Variants in ASAP2 observed in about 807,000 individuals in gnomAD.
ASAP2 encodes the protein ArfGAP with SH3 domain, ankyrin repeat and PH domain 2.
Under a neutral mutation model 131.4 loss-of-function variants are expected in ASAP2, and 45 were observed. The ratio of observed to expected loss-of-function variants is 0.34; its 90% CI spans 0.27 to 0.44. The LOEUF (loss-of-function observed/expected upper bound fraction) is 0.44. Ranked by LOEUF, ASAP2 falls within the 20% of genes least tolerant of loss-of-function variation. The pLI, the probability that ASAP2 is intolerant of heterozygous loss-of-function variation, is 1.00. For missense variants in ASAP2, 1,011 were observed against 1,297.0 expected, an observed-to-expected ratio of 0.78 and a Z score of 3.39; for synonymous variants, 510 against 503.0, an observed-to-expected ratio of 1.01 and a Z score of -0.19.
chr2:9,375,106 C>CAAA (rs112747713), intron 17 of ASAP2, among the ~76,000 whole-genome samples, 162 bp downstream of exon 17: 2 of 66,252 alleles, frequency 3.0e-5, no homozygotes, highest in Non-Finnish European at 7.2e-5. Flanking sequence ...CCCATCTCTA[C>CAAA]AAAAAAAAAA....
At chr2:9,274,319 C>CTTTTTTTTTTTTTTT (rs57798948) in intron 1 of ASAP2, among the ~76,000 whole-genome samples, 1 of 106,774 alleles carries the variant, frequency 9.4e-6, no homozygotes, top group African/African-American at 3.7e-5. Flanking sequence ...AGCATTCAAT[C>CTTTTTTTTTTTTTTT]TTTTTTTTTT....
chr2:9,321,025 G>T (rs1454675666), intron 5 of ASAP2, among the ~76,000 whole-genome samples: 1 of 152,148 alleles, frequency 6.6e-6, no homozygotes, highest in Non-Finnish European at 1.5e-5. Context: ...AAGTAATTAT[G>T]GGGGGAATAA....
rs774783791 is a variant in ASAP2, at chr2:9,358,823, G to A, written c.1395G>A (p.Glu465=). The A allele has an allele frequency of 3.1e-6, 5 of 1,613,684 alleles. No homozygotes were observed. In the African/African-American group the frequency reaches 6.7e-5, roughly 22 times the overall value. The change falls in exon 15 of 28, where the codon GAG becomes GAA. Residue 465 remains glutamate (E), a synonymous_variant. Coordinates refer to ENST00000281419, the MANE Select transcript of ASAP2 (RefSeq NM_003887.3). ...TCGAGTGTTCCGGAATCCACCGAGA[G>A]CTGGGGGTTCATTATTCCAGGATGC... ...TCIECSGIHR[E]LGVHYSRMQS... is the part of the protein sequence containing the mutation.
intron 1 of ASAP2, among the ~76,000 whole-genome samples, chr2:9,215,448 G>A (rs142414110): frequency 2.0e-5 from 3 of 151,996 alleles, no homozygotes; most frequent in Non-Finnish European, 2.9e-5. Flanking sequence ...TAAACAATAC[G>A]AGATATTTCT....
In ASAP2 at chr2:9,356,356, G is replaced by A. The variant is rs778557276; in HGVS notation, c.1327+11G>A. 6.4e-7 allele frequency: 1 copy of A among 1,565,004 alleles called. No homozygotes were observed. The highest frequency in any genetic ancestry group is 8.6e-7 in the Non-Finnish European group (1 of 1,157,604). ...ACTGTGGGGCGCCAGGTGACCCAGG[G>A]ACCCCACCCGACCCTGGGCTCTAGG... On this transcript the variant is annotated intron_variant, in intron 14 of 27. Transcript: ENST00000281419.
At chr2:9,356,421 G>A in intron 14 of ASAP2, 76 bp downstream of exon 14, 2 of 1,440,320 alleles carry the variant, frequency 1.4e-6, no homozygotes, top group Non-Finnish European at 1.9e-6. Context: ...TCCGTTCATT[G>A]ATTTTCACTT....
Position 9,378,954 on chromosome 2 carries a change from G to A in ASAP2, c.1843G>A (p.Asp615Asn). 6.7e-7 allele frequency: 1 copy of A among 1,481,650 alleles called. No individual in the cohort carries two copies. Among genetic ancestry groups the A allele is most frequent in the Non-Finnish European group, 9.0e-7 (1 of 1,107,826 alleles). 91.8% of individuals were successfully genotyped at this position (1,481,650 alleles called of 1,614,324 possible). A position where few individuals can be genotyped will look rare whatever the true frequency, so the allele number is the denominator to read the frequency against. The change falls in exon 19 of 28, where the codon GAT becomes AAT. Residue 615 changes from aspartate to asparagine, a missense_variant. By Grantham distance (23) the Asp-to-Asn change is conservative (BLOSUM62 1). This residue lies in a region of ASAP2 where 652 missense variants were observed against 698.9 expected (regional missense o/e 0.93). Transcript: ENST00000281419. ...DFLVQNSGNL[D>N]KQTGKGSTAL... Reference sequence around the variant, plus strand: ...CCTGTTCTCGGGCAGTGGGAACCTGGATAAACAGACAGGGAAAGGCAGCAC... The same window carrying A: ...CCTGTTCTCGGGCAGTGGGAACCTGAATAAACAGACAGGGAAAGGCAGCAC...
chr2:9,242,745 T>C (rs1345575362), intron 1 of ASAP2, among the ~76,000 whole-genome samples: 1 of 152,228 alleles, frequency 6.6e-6, no homozygotes, highest in East Asian at 1.9e-4. Context: ...TTCCAACTTT[T>C]CTTTCTTTTC....
chr2:9,259,755 A>C (rs542495408), intron 1 of ASAP2, among the ~76,000 whole-genome samples: 4 of 152,288 alleles, frequency 2.6e-5, no homozygotes, highest in African/African-American at 7.2e-5. Context: ...TAGCGCAGAG[A>C]TCTTCAGATG....
At chr2:9,223,854 C>G (rs975130559) in intron 1 of ASAP2, among the ~76,000 whole-genome samples, 20 of 152,136 alleles carry the variant, frequency 1.3e-4, no homozygotes, top group Admixed American at 5.2e-4. Flanking sequence ...ACTCTGGAAT[C>G]CTTGCAGGTC....
chr2:9,354,250 G>A (rs978526469), intron 12 of ASAP2, among the ~76,000 whole-genome samples: 12 of 152,198 alleles, frequency 7.9e-5, no homozygotes, highest in African/African-American at 7.2e-5. Flanking sequence ...GCAGGTTAGC[G>A]GCCAGTAGAG....
chr2:9,296,244 G>T (rs1317007834), intron 2 of ASAP2, among the ~76,000 whole-genome samples: 1 of 152,220 alleles, frequency 6.6e-6, no homozygotes, highest in Non-Finnish European at 1.5e-5. Context: ...TTATAGACTG[G>T]CTGGTTTCCT....
intron 1 of ASAP2, among the ~76,000 whole-genome samples, chr2:9,252,480 A>G (rs1386061379): frequency 6.6e-6 from 1 of 152,162 alleles, no homozygotes; most frequent in Non-Finnish European, 1.5e-5. Flanking sequence ...AGGCTACGGC[A>G]GGAGAATCGC....
rs575258784 is a variant in ASAP2 at position 9,340,969 on chromosome 2, C to T, written c.850-3563C>T. Among the ~76,000 whole-genome samples, 3 of 152,234 alleles carry T rather than the reference C, an allele frequency of 2.0e-5. No homozygotes were observed. The East Asian group carries it at 5.8e-4, about 29-fold the overall frequency. On this transcript the variant is annotated intron_variant, in intron 9 of 27. Coordinates refer to ENST00000281419, the MANE Select transcript of ASAP2 (RefSeq NM_003887.3). Reference sequence around the variant, plus strand: ...GAGGTTCCACCAAGTGCCCACCTACCCTGCATACTCAGGCACACAAACAGT... The same window carrying T: ...GAGGTTCCACCAAGTGCCCACCTACTCTGCATACTCAGGCACACAAACAGT...
At chr2:9,221,323 CTTT>C (rs35784307) in intron 1 of ASAP2, among the ~76,000 whole-genome samples, 9 of 132,006 alleles carry the variant, frequency 6.8e-5, no homozygotes, top group Non-Finnish European at 9.7e-5. Context: ...CTTTTCTTTT[CTTT>C]TTTTTTTTTT....
At chr2:9,263,879 A>T (rs779140699) in intron 1 of ASAP2, among the ~76,000 whole-genome samples, 8 of 151,650 alleles carry the variant, frequency 5.3e-5, no homozygotes, top group Non-Finnish European at 8.8e-5. Flanking sequence ...TTTTTTCTCC[A>T]TTTTTTTCCC....
intron 12 of ASAP2, among the ~76,000 whole-genome samples, chr2:9,352,197 T>C (rs946443945): frequency 3.3e-5 from 5 of 149,904 alleles, no homozygotes; most frequent in Non-Finnish European, 7.4e-5. Context: ...ACCCTAACTC[T>C]TTAAAACACA....
intron 27 of ASAP2, among the ~76,000 whole-genome samples, 180 bp from the exon 28 acceptor site, chr2:9,403,073 G>T (rs1375470910): frequency 6.6e-6 from 1 of 152,224 alleles, no homozygotes; most frequent in Non-Finnish European, 1.5e-5. Flanking sequence ...TGCACTATTT[G>T]AAATGTGGTG....
chr2:9,221,289 G>A (rs1292563910), intron 1 of ASAP2, among the ~76,000 whole-genome samples: 2 of 150,770 alleles, frequency 1.3e-5, no homozygotes, highest in Non-Finnish European at 3.0e-5. Flanking sequence ...TTCTATCTAT[G>A]AACTTGGAAG....
Sources: allele counts gnomAD v4.1 joint callset (sites outside exome capture counted in the v4.1 genomes callset), GRCh38; gene constraint gnomAD v4.1.1; regional missense constraint gnomAD v4.1.1; transcripts MANE v1.5; gene names NCBI Gene and HGNC (gene_info 2026-07-23, HGNC 2026-07-21).